The following OR51B5 variants were observed in gnomAD, a reference collection of about 807,000 sequenced individuals.
OR51B5 encodes olfactory receptor family 51 subfamily B member 5.
For missense variants in OR51B5, 456 were observed against 374.6 expected (o/e 1.22, Z -1.79); for synonymous variants, 186 against 144.8 (o/e 1.28, Z -2.04).
intron 1 of OR51B5, among the ~76,000 whole-genome samples, chr11:5,386,618 T>A (rs1258525800): frequency 6.6e-6 from 1 of 151,994 alleles, no homozygotes; most frequent in Admixed American, 6.6e-5. Flanking sequence ...ATTCATAGAG[T>A]TAGTACTTTC....
At chr11:5,373,016 TTACGTATA>T (rs1849468308) in intron 1 of OR51B5, among the ~76,000 whole-genome samples, 1 of 152,078 alleles carries the variant, frequency 6.6e-6, no homozygotes. Context: ...AGAAATAAAT[TTACGTATA>T]TACAGTCCAG....
intron 1 of OR51B5, among the ~76,000 whole-genome samples, chr11:5,472,035 C>A (rs1302747488): frequency 1.3e-5 from 2 of 152,256 alleles, no homozygotes; most frequent in Admixed American, 1.3e-4. Flanking sequence ...TTTTGTTTCA[C>A]CATTTTATCC....
At chr11:5,422,077 C>A in intron 1 of OR51B5, 1 of 783,708 alleles carries the variant, frequency 1.3e-6, no homozygotes, top group Non-Finnish European at 2.0e-6. Context: ...CTTTAGTTAC[C>A]CTCAACAACT....
chr11:5,397,768 A>G (rs1849901022), intron 1 of OR51B5, among the ~76,000 whole-genome samples: 1 of 151,014 alleles, frequency 6.6e-6, no homozygotes, highest in Non-Finnish European at 1.5e-5. Flanking sequence ...TTATTGCGGC[A>G]CTATTCACAA....
chr11:5,447,913 A>T (rs74830646), intron 1 of OR51B5, among the ~76,000 whole-genome samples: 1 of 152,184 alleles, frequency 6.6e-6, no homozygotes, highest in Admixed American at 6.5e-5. Flanking sequence ...CCATCTCAGA[A>T]GAGTAAGTCC....
chr11:5,396,381 A>T (rs893773498), intron 1 of OR51B5, among the ~76,000 whole-genome samples: 1 of 152,254 alleles, frequency 6.6e-6, no homozygotes, highest in Non-Finnish European at 1.5e-5. Flanking sequence ...GTCTCAGGAT[A>T]CAAAATCAAT....
intron 1 of OR51B5, chr11:5,440,526 C>T: frequency 1.4e-6 from 2 of 1,417,130 alleles, no homozygotes; most frequent in Non-Finnish European, 9.9e-7. Flanking sequence ...GTTAACATGT[C>T]CCAATCCTTC....
intron 1 of OR51B5, among the ~76,000 whole-genome samples, chr11:5,435,396 G>T (rs535670108): frequency 6.6e-6 from 1 of 152,214 alleles, no homozygotes; most frequent in South Asian, 2.1e-4. Context: ...TTTTCTTGCA[G>T]AACACTTATG....
intron 1 of OR51B5, among the ~76,000 whole-genome samples, chr11:5,442,084 TCCC>T (rs1372737303): frequency 1.3e-5 from 2 of 152,122 alleles, no homozygotes; most frequent in Non-Finnish European, 2.9e-5. Context: ...TCTCCATGAT[TCCC>T]CCATTTTCCT....
At chr11:5,366,340 C>G (rs558920480) in intron 1 of OR51B5, among the ~76,000 whole-genome samples, 7 of 152,166 alleles carry the variant, frequency 4.6e-5, no homozygotes, top group Non-Finnish European at 1.0e-4. Flanking sequence ...ACATTACAGA[C>G]TCATGCCTGT....
At chr11:5,453,861 G>A in intron 1 of OR51B5, 1 of 1,614,216 alleles carries the variant, frequency 6.2e-7, no homozygotes, top group Non-Finnish European at 8.5e-7. Flanking sequence ...CCGCTATGTG[G>A]CCATTTGTGA....
At chr11:5,419,667 G>C (rs995693539) in intron 1 of OR51B5, among the ~76,000 whole-genome samples, 1 of 152,052 alleles carries the variant, frequency 6.6e-6, no homozygotes, top group Non-Finnish European at 1.5e-5. Flanking sequence ...TGCTATCCAG[G>C]AGAGCTCCTG....
At chr11:5,502,611 T>C (rs770172315) in intron 1 of OR51B5, among the ~76,000 whole-genome samples, 6 of 152,354 alleles carry the variant, frequency 3.9e-5, no homozygotes, top group Non-Finnish European at 7.3e-5. Flanking sequence ...GAGAGAAGAA[T>C]GTGGTCTCTA....
At chr11:5,463,937 TG>T (rs1278694854) in intron 1 of OR51B5, among the ~76,000 whole-genome samples, 1 of 152,210 alleles carries the variant, frequency 6.6e-6, no homozygotes, top group Non-Finnish European at 1.5e-5. Flanking sequence ...GTGTTACTGG[TG>T]GACGTGTTAA....
chr11:5,346,666 T>C (rs1848996556), upstream of OR51B5, among the ~76,000 whole-genome samples: 2 of 152,192 alleles, frequency 1.3e-5, no homozygotes, highest in Admixed American at 6.5e-5. Flanking sequence ...GGAATTGCTT[T>C]TGAAGTTCTA....
At chr11:5,353,785 A>G (rs1450102421) in intron 1 of OR51B5, among the ~76,000 whole-genome samples, 1 of 152,258 alleles carries the variant, frequency 6.6e-6, no homozygotes, top group Non-Finnish European at 1.5e-5. Context: ...ACACTCAGTG[A>G]TCTATGGCTG....
At chr11:5,438,032 T>A (rs1850616536) in intron 1 of OR51B5, among the ~76,000 whole-genome samples, 1 of 152,086 alleles carries the variant, frequency 6.6e-6, no homozygotes, top group Non-Finnish European at 1.5e-5. Flanking sequence ...TGTTATAGGA[T>A]TGGTTGGATC....
At chr11:5,426,669 C>G (rs1850454835) in intron 1 of OR51B5, among the ~76,000 whole-genome samples, 3 of 152,030 alleles carry the variant, frequency 2.0e-5, no homozygotes, top group Admixed American at 6.6e-5. Flanking sequence ...AGTTTTTTGG[C>G]ATGTTGAGTG....
chr11:5,429,157 G>A (rs2736579), intron 1 of OR51B5, among the ~76,000 whole-genome samples: 36,492 of 151,878 alleles, frequency 0.24, 4,662 homozygotes, highest in African/African-American at 0.31. Flanking sequence ...TGTATCCCCA[G>A]CCAATCAATA....
Sources: allele counts gnomAD v4.1 joint callset (sites outside exome capture counted in the v4.1 genomes callset), GRCh38; gene constraint gnomAD v4.1.1; transcripts MANE v1.5; gene names NCBI Gene and HGNC (gene_info 2026-07-23, HGNC 2026-07-21).